ZNF398: variants seen among roughly 807,000 people sequenced by gnomAD.
ZNF398 encodes the protein zinc finger DNA binding protein ZER6.
In ZNF398, 18 loss-of-function variants were observed where a neutral mutation model predicts 41.9. The observed-to-expected ratio is 0.43, with a 90% CI of 0.30 to 0.64. ZNF398 has a LOEUF of 0.64. ZNF398 is among the 30% of genes least tolerant of loss of function. ZNF398 has a pLI of 0.14. For missense variants in ZNF398, 669 were observed against 822.8 expected, an observed-to-expected ratio of 0.81 and a Z score of 2.29; for synonymous variants, 260 against 308.8, an observed-to-expected ratio of 0.84 and a Z score of 1.66.
chr7:149,166,200 C>T lies in ZNF398; in HGVS notation c.463C>T (p.Pro155Ser), dbSNP rs1795222733. Reference protein sequence around the residue: ...FDDVSIYFSTPEWEKLEEWQK... With the variant: ...FDDVSIYFSTSEWEKLEEWQK... ...TGATGTCTCCATCTACTTTTCCACTCCAGAGTGGGAAAAATTAGAAGAATG... is the reference window on the plus strand; with the variant it reads ...TGATGTCTCCATCTACTTTTCCACTTCAGAGTGGGAAAAATTAGAAGAATG... Residue 155 changes from proline (P) to serine (S), a missense_variant, in exon 3 of 6, where the codon CCA becomes TCA. This residue lies in a region of ZNF398 where 169 missense variants were observed against 239.5 expected (regional missense o/e 0.71). Transcript: ENST00000475153. The T allele has an allele frequency of 1.2e-6, 2 of 1,613,906 alleles. No homozygotes were observed. The highest frequency in any genetic ancestry group is 3.3e-5 in the Admixed American group (2 of 59,996).
At chr7:149,160,900 A>G (rs2129520804) in intron 2 of ZNF398, among the ~76,000 whole-genome samples, 1 of 150,882 alleles carries the variant, frequency 6.6e-6, no homozygotes, top group East Asian at 2.0e-4. Flanking sequence ...CACTTAGTAA[A>G]CAGTAAAGAT....
chr7:149,152,981 C>T (rs557297991), intron 1 of ZNF398, among the ~76,000 whole-genome samples: 2 of 151,890 alleles, frequency 1.3e-5, no homozygotes, highest in East Asian at 3.9e-4. Context: ...CTGTCTCAGC[C>T]TCCCGAGTAG....
chr7:149,164,831 C>T (rs1795193299), intron 2 of ZNF398, among the ~76,000 whole-genome samples: 2 of 151,946 alleles, frequency 1.3e-5, no homozygotes, highest in South Asian at 4.2e-4. Context: ...CACGGTGGCT[C>T]ACACCTGTAA....
rs750534001 is a variant in ZNF398, at chr7:149,167,673, C to T, written c.661+743C>T. Among the ~76,000 whole-genome samples the T allele has an allele frequency of 8.1e-4, 113 of 139,792 alleles. 2 individuals carry two copies. The highest frequency in any genetic ancestry group is 1.4e-3 in the Non-Finnish European group (95 of 66,092). 91.7% of individuals were successfully genotyped at this position (139,792 alleles called of 152,430 possible). On this transcript the variant is annotated intron_variant, in intron 4 of 5. Transcript: ENST00000475153. ...TTTTTGAGACGGAGTCTTGCTCATG[C>T]GATCTCGACTCACTGCAAGCTCCGT... is the stretch of plus-strand genomic sequence containing the variant.
Position 149,154,077 on chromosome 7 carries a change from A to G in ZNF398, c.157A>G (p.Ile53Val), listed in dbSNP as rs1794918489. The stretch of plus-strand genomic sequence containing the variant: ...GACAGTGGTGGCCGCCGTGCAGGCT[A>G]TAGAGAGGAAGGTGGAGATCCACAG... ...LWTVVAAVQA[I>V]ERKVEIHSRR... Residue 53 changes from isoleucine (I) to valine (V), a missense_variant, in exon 2 of 6, where the codon ATA becomes GTA. Around this residue, in one of 3 missense-constraint regions of ZNF398, gnomAD observed 169 missense variants for 239.5 expected, o/e 0.71. Coordinates refer to ENST00000475153, the MANE Select transcript of ZNF398 (RefSeq NM_170686.3). The G allele has an allele frequency of 1.2e-6, 2 of 1,614,020 alleles. No homozygotes were observed. Among genetic ancestry groups the G allele is most frequent in the Non-Finnish European group, 1.7e-6 (2 of 1,180,016 alleles).
intron 2 of ZNF398, among the ~76,000 whole-genome samples, chr7:149,155,534 A>C (rs527814973): frequency 3.3e-4 from 50 of 152,134 alleles, no homozygotes; most frequent in African/African-American, 1.2e-3. Flanking sequence ...ATAATTTTTT[A>C]AAAACCTCCA....
At chr7:149,172,190 G>A (rs890024297) in intron 4 of ZNF398, among the ~76,000 whole-genome samples, 1 of 152,076 alleles carries the variant, frequency 6.6e-6, no homozygotes, top group African/African-American at 2.4e-5. Flanking sequence ...TGATGGTATC[G>A]TTTTCCACAG....
In ZNF398 at chr7:149,147,643, G is replaced by T. The variant is rs139320278; in HGVS notation, c.-100G>T. On this transcript the variant is annotated 5_prime_UTR_variant, in exon 1 of 6. Coordinates refer to ENST00000475153, the MANE Select transcript of ZNF398 (RefSeq NM_170686.3). This position sits in a 1 kb window ranked among gnomAD's most constrained non-coding sequence, Gnocchi z 5.6. ...AGGCAGGGCCGGGTCGGCGCCGCCT[G>T]TGGAGAGGACCCGGCGGCCGGGCCT... The T allele has an allele frequency of 1.8e-4, 210 of 1,199,270 alleles. No homozygotes were observed. In the African/African-American group the frequency reaches 2.7e-3, roughly 16 times the overall value. 74.3% of individuals were successfully genotyped at this position (1,199,270 alleles called of 1,614,324 possible).
chr7:149,167,258 T>C (rs939516282), intron 4 of ZNF398, among the ~76,000 whole-genome samples: 2 of 152,178 alleles, frequency 1.3e-5, no homozygotes, highest in African/African-American at 4.8e-5. Context: ...TGAGCAAATA[T>C]AAGCATGGCC....
intron 2 of ZNF398, among the ~76,000 whole-genome samples, chr7:149,136,160 T>G (rs565976725): frequency 2.2e-4 from 33 of 152,254 alleles, no homozygotes; most frequent in Admixed American, 7.9e-4. Context: ...TTTATTTATA[T>G]TCCCCTATTT....
intron 2 of ZNF398, among the ~76,000 whole-genome samples, chr7:149,135,251 G>A (rs531376586): frequency 2.0e-5 from 3 of 151,880 alleles, no homozygotes; most frequent in Non-Finnish European, 2.9e-5. Flanking sequence ...ATAGCCGGGC[G>A]TCGTGGCAGG....
intron 1 of ZNF398, among the ~76,000 whole-genome samples, chr7:149,151,745 T>G (rs1185454862): frequency 6.6e-6 from 1 of 151,808 alleles, no homozygotes; most frequent in Non-Finnish European, 1.5e-5. Flanking sequence ...CATGCAAGCC[T>G]ATTTATTTAT....
Position 149,159,658 on chromosome 7 carries a change from C to G in ZNF398, c.420+5318C>G, listed in dbSNP as rs370409920. The stretch of plus-strand genomic sequence containing the variant: ...GTGAGACTCCGTCTCAAAAAAAATG[C>G]TCTTTTTCTGCTCTTAAATTTGAAT... On this transcript the variant is annotated intron_variant, in intron 2 of 5. Transcript: ENST00000475153. Among the ~76,000 whole-genome samples the G allele has an allele frequency of 3.0e-4, 46 of 151,882 alleles. No homozygotes were observed. The East Asian group carries it at 7.8e-3, about 26-fold the overall frequency.
At chr7:149,157,891 G>A (rs1336466069) in intron 2 of ZNF398, among the ~76,000 whole-genome samples, 3 of 150,716 alleles carry the variant, frequency 2.0e-5, no homozygotes, top group Non-Finnish European at 4.4e-5. Context: ...AGGAGGAGCC[G>A]GCAGAGGAGA....
Position 149,179,565 on chromosome 7 carries a change from C to A in ZNF398, c.1693C>A (p.Arg565=). Residue 565 remains arginine, a synonymous_variant, in exon 6 of 6, where the codon CGG becomes AGG. Transcript: ENST00000475153. The surrounding 1 kb of genome is among the most constrained non-coding windows in gnomAD (Gnocchi z 6.1). ...MKHQRIHTGE[R]PYPCSYCGRS... ...ACACCAGCGCATCCACACCGGGGAGCGGCCCTACCCCTGCTCCTACTGTGG... is the reference window on the plus strand; with the variant it reads ...ACACCAGCGCATCCACACCGGGGAGAGGCCCTACCCCTGCTCCTACTGTGG... The A allele has an allele frequency of 6.2e-7, 1 of 1,614,186 alleles. No individual in the cohort carries two copies. The highest frequency in any genetic ancestry group is 8.5e-7 in the Non-Finnish European group (1 of 1,180,042).
chr7:149,173,485 T>G (rs1240274160), intron 4 of ZNF398, among the ~76,000 whole-genome samples: 2 of 152,048 alleles, frequency 1.3e-5, no homozygotes, highest in Non-Finnish European at 2.9e-5. Flanking sequence ...TGAAATAAAT[T>G]TCTTATGCAA....
intron 2 of ZNF398, among the ~76,000 whole-genome samples, chr7:149,160,084 GATTAGC>G (rs1563161228): frequency 9.6e-5 from 3 of 31,248 alleles, no homozygotes; most frequent in Non-Finnish European, 3.3e-4. Context: ...ATAATTAGCT[GATTAGC>G]ATATCTATCA....
At chr7:149,137,023 T>C (rs1826728783) in intron 2 of ZNF398, among the ~76,000 whole-genome samples, 1 of 152,060 alleles carries the variant, frequency 6.6e-6, no homozygotes, top group African/African-American at 2.4e-5. Context: ...CCCACCAGCA[T>C]GCCTGGCTAA....
At chr7:149,166,674 G>T in intron 3 of ZNF398, 143 bp from the exon 4 acceptor site, 1 of 605,442 alleles carries the variant, frequency 1.7e-6, no homozygotes, top group Non-Finnish European at 2.9e-6. Flanking sequence ...GCTGAAGATG[G>T]ATAGATGGGA....
Sources: gnomAD v4.1 joint callset for allele counts (sites outside exome capture counted in the v4.1 genomes callset) on GRCh38, gnomAD v4.1.1 for gene constraint, gnomAD v4.1.1 regional missense constraint, Gnocchi (gnomAD v3.1) non-coding constraint, MANE v1.5 for transcripts, NCBI Gene and HGNC (gene_info 2026-07-23, HGNC 2026-07-21) for gene names.